Variants in ATP11B observed in about 807,000 individuals in gnomAD.
ATP11B encodes phospholipid-transporting ATPase IF.
In ATP11B, 81 loss-of-function variants were observed where a neutral mutation model predicts 157.8. The observed-to-expected ratio is 0.51, with a 90% CI of 0.43 to 0.62. The LOEUF (loss-of-function observed/expected upper bound fraction) is 0.62. Among genes scored for constraint, ATP11B ranks in the 20% least tolerant of loss-of-function variants. The pLI, the probability that ATP11B is intolerant of heterozygous loss-of-function variation, is 0.00. For synonymous variants in ATP11B, 451 were observed against 469.4 expected (o/e 0.96, Z 0.51); for missense variants, 1,165 against 1,402.2 (o/e 0.83, Z 2.70).
At chr3:182,843,901 G>T (rs1310397038) in intron 8 of ATP11B, 1 of 152,152 alleles carries the variant, frequency 6.6e-6, no homozygotes, top group South Asian at 2.1e-4. Flanking sequence ...TAACATAGGA[G>T]CATGTTCAGT....
At chr3:182,845,009 T>TTTTTTTTTTTTTTTTTA (rs1560081876) in intron 8 of ATP11B, among the ~76,000 whole-genome samples, 4 of 112,102 alleles carry the variant, frequency 3.6e-5, no homozygotes, top group Non-Finnish European at 7.0e-5. Context: ...TTTTTTTATT[T>TTTTTTTTTTTTTTTTTA]TTTTTTATTT....
chr3:182,845,445 C>CT lies in ATP11B; in HGVS notation c.705-6dup. On this transcript the variant is annotated splice_polypyrimidine_tract_variant and intron_variant, in intron 8 of 29. Coordinates refer to ENST00000323116, the MANE Select transcript of ATP11B (RefSeq NM_014616.3). ...ATATTCAGTGCTTTATGGTTATTTT[C>CT]TTTTTTTCCTAGACCTCTGGGGCCG... 1 of 1,587,060 alleles carries CT rather than the reference C, an allele frequency of 6.3e-7. No homozygotes were observed. The highest frequency in any genetic ancestry group is 2.0e-5 in the Admixed American group (1 of 51,144).
At chr3:182,861,800 C>A (rs1405237665) in intron 12 of ATP11B, among the ~76,000 whole-genome samples, 3 of 152,064 alleles carry the variant, frequency 2.0e-5, no homozygotes, top group African/African-American at 7.2e-5. Context: ...GGATGCTAAT[C>A]TTTGGCTATC....
intron 25 of ATP11B, among the ~76,000 whole-genome samples, chr3:182,890,361 G>A (rs1034776168): frequency 6.6e-6 from 1 of 152,132 alleles, no homozygotes; most frequent in Admixed American, 6.6e-5. Flanking sequence ...ATACAAATTT[G>A]CAATTGGAAG....
At chr3:182,877,021 A>G (rs983506994) in intron 19 of ATP11B, among the ~76,000 whole-genome samples, 1 of 152,234 alleles carries the variant, frequency 6.6e-6, no homozygotes, top group African/African-American at 2.4e-5. Flanking sequence ...ATGCCTTTGA[A>G]AGCTTTAGTA....
intron 9 of ATP11B, among the ~76,000 whole-genome samples, chr3:182,848,151 T>G (rs185335943): frequency 1.1e-3 from 167 of 152,360 alleles, no homozygotes; most frequent in African/African-American, 3.7e-3. Context: ...CTGCTGTATT[T>G]GTAATGGCCT....
intron 11 of ATP11B, 22 bp from the exon 12 acceptor site, chr3:182,859,140 A>T (rs775376137): frequency 6.8e-5 from 105 of 1,552,150 alleles, no homozygotes; most frequent in Non-Finnish European, 8.4e-5. Context: ...TTCTTTTCAA[A>T]CAATTATTTC....
At chr3:182,848,614 GT>G in intron 10 of ATP11B, 57 bp downstream of exon 10, 1 of 917,902 alleles carries the variant, frequency 1.1e-6, no homozygotes, top group African/African-American at 1.8e-5. Flanking sequence ...TTTTTTATTC[GT>G]TTGGTATAAA....
chr3:182,847,953 C>A (rs1287807852), intron 9 of ATP11B, among the ~76,000 whole-genome samples: 1 of 152,186 alleles, frequency 6.6e-6, no homozygotes, highest in Non-Finnish European at 1.5e-5. Flanking sequence ...AATAGGCGCA[C>A]ATTTTTTAAA....
chr3:182,869,016 A>G (rs1383095267), intron 15 of ATP11B, 62 bp from the exon 16 acceptor site: 12 of 1,014,832 alleles, frequency 1.2e-5, no homozygotes, highest in Non-Finnish European at 1.6e-5. Context: ...ATTTCCATAT[A>G]GTCACTTAAT....
intron 29 of ATP11B, chr3:182,917,580 T>C: frequency 1.0e-6 from 1 of 985,378 alleles, no homozygotes; most frequent in Non-Finnish European, 1.2e-6. Context: ...ATAGGATTTA[T>C]AGCTGAAATG....
At chr3:182,900,757 T>C (rs895870199) in intron 28 of ATP11B, among the ~76,000 whole-genome samples, 3 of 152,156 alleles carry the variant, frequency 2.0e-5, no homozygotes, top group Non-Finnish European at 4.4e-5. Context: ...AAATACTTAA[T>C]TCTTGAGACC....
chr3:182,801,077 C>G (rs1446185983), intron 1 of ATP11B, among the ~76,000 whole-genome samples: 1 of 152,194 alleles, frequency 6.6e-6, no homozygotes, highest in Non-Finnish European at 1.5e-5. Context: ...GCTGGGATTA[C>G]AGGTGTGACC....
At chr3:182,818,756 TAA>T (rs1165528392) in intron 1 of ATP11B, among the ~76,000 whole-genome samples, 1 of 152,186 alleles carries the variant, frequency 6.6e-6, no homozygotes, top group Non-Finnish European at 1.5e-5. Context: ...ACAAGGATGC[TAA>T]GTGTTGAATG....
intron 28 of ATP11B, chr3:182,902,539 G>C (rs1020866382): frequency 2.3e-6 from 3 of 1,289,240 alleles, no homozygotes; most frequent in Non-Finnish European, 3.0e-6. Context: ...CCATTGTCGA[G>C]GGCAAGGAAT....
rs753522277 is a variant in ATP11B at position 182,828,173 on chromosome 3, G to A, written c.198G>A (p.Val66=). 3 of 1,509,228 alleles carry A rather than the reference G, an allele frequency of 2.0e-6. No individual in the cohort carries two copies. In the African/African-American group the frequency reaches 4.2e-5, roughly 21 times the overall value. The allele number at this position is 1,509,228 out of a possible 1,614,324, so 93.5% of individuals were successfully genotyped here. The change falls in exon 3 of 30, where the codon GTG becomes GTA. Residue 66 remains valine (V), a synonymous_variant. Coordinates refer to ENST00000323116, the MANE Select transcript of ATP11B (RefSeq NM_014616.3). ...ATTTATTTGAACAGTTCAGAAGAGTGGCAAACTTTTATTTTCTTATTATAT... is the reference window on the plus strand; with the variant it reads ...ATTTATTTGAACAGTTCAGAAGAGTAGCAAACTTTTATTTTCTTATTATAT... ...PKNLFEQFRR[V]ANFYFLIIFL... is the part of the protein sequence containing the mutation.
At chr3:182,916,147 A>G (rs1209529401) in intron 29 of ATP11B, 13 of 985,266 alleles carry the variant, frequency 1.3e-5, no homozygotes, top group Non-Finnish European at 1.6e-5. Context: ...TTGCAAAGTC[A>G]TTTTGATACA....
chr3:182,812,936 C>T (rs1274326960), intron 1 of ATP11B, among the ~76,000 whole-genome samples: 2 of 152,186 alleles, frequency 1.3e-5, no homozygotes, highest in Non-Finnish European at 2.9e-5. Flanking sequence ...TTTAACTACT[C>T]TTATTCCTTA....
At chr3:182,809,302 G>A (rs1359748474) in intron 1 of ATP11B, among the ~76,000 whole-genome samples, 1 of 151,950 alleles carries the variant, frequency 6.6e-6, no homozygotes, top group African/African-American at 2.4e-5. Flanking sequence ...AGGCTGGAGT[G>A]CAATGGTGCC....
Sources: gnomAD v4.1 joint callset for allele counts (sites outside exome capture counted in the v4.1 genomes callset) on GRCh38, gnomAD v4.1.1 for gene constraint, MANE v1.5 for transcripts, NCBI Gene and HGNC (gene_info 2026-07-23, HGNC 2026-07-21) for gene names.